ZNRF2: variants seen among roughly 807,000 people sequenced by gnomAD.
ZNRF2 encodes the protein E3 ubiquitin-protein ligase ZNRF2.
In ZNRF2, 16 loss-of-function variants were observed where a neutral mutation model predicts 20.4. The observed-to-expected ratio is 0.79, with a 90% confidence interval of 0.53 to 1.19. The LOEUF (loss-of-function observed/expected upper bound fraction) is 1.19, where lower values mean the gene tolerates loss of function less well. ZNRF2 is among the 50% of genes most tolerant of loss of function. The pLI, the probability that ZNRF2 is intolerant of heterozygous loss-of-function variation, is 0.00. For missense variants in ZNRF2, 363 were observed against 332.4 expected (o/e 1.09, Z -0.72); for synonymous variants, 178 against 144.9 (o/e 1.23, Z -1.64).
At chr7:30,329,151 AATTTT>A (rs1461790323) in intron 2 of ZNRF2, among the ~76,000 whole-genome samples, 12 of 152,200 alleles carry the variant, frequency 7.9e-5, no homozygotes, top group African/African-American at 2.9e-4. Flanking sequence ...TTTTTTAAAA[AATTTT>A]ATTATGTGTA....
intron 1 of ZNRF2, among the ~76,000 whole-genome samples, chr7:30,293,718 GAT>G (rs1413803240): frequency 1.3e-5 from 2 of 152,170 alleles, no homozygotes; most frequent in Non-Finnish European, 2.9e-5. Flanking sequence ...TGAGGTTTTT[GAT>G]ATTTATAAGT....
At chr7:30,295,016 A>G (rs9918546) in intron 1 of ZNRF2, among the ~76,000 whole-genome samples, 1,429 of 49,092 alleles carry the variant, frequency 0.029, 35 homozygotes, top group African/African-American at 0.11. Flanking sequence ...GGAGGGAAGG[A>G]GAGAGAGAGA....
At position 30,331,404 on chromosome 7, in the gene ZNRF2, CATT is replaced by C. The variant is rs1156775618; in HGVS notation, c.565+7669_565+7671del. 2.0e-5 allele frequency among the ~76,000 whole-genome samples: 3 copies of C among 152,206 alleles called. No individual in the cohort carries two copies. In the East Asian group the frequency reaches 5.8e-4, roughly 29 times the overall value. Reference sequence around the variant, plus strand: ...TGAAAAATATTCAGATTTAACTAGACATTAATCACTGAAATTAGAGTCTGGCTG... The same window carrying C: ...TGAAAAATATTCAGATTTAACTAGACAATCACTGAAATTAGAGTCTGGCTG... On this transcript the variant is annotated intron_variant, in intron 2 of 4. Transcript: ENST00000323037.
At chr7:30,350,703 CT>C (rs1799949080) in intron 2 of ZNRF2, among the ~76,000 whole-genome samples, 1 of 151,842 alleles carries the variant, frequency 6.6e-6, no homozygotes, top group African/African-American at 2.4e-5. Flanking sequence ...ACTTTTTGTT[CT>C]TTGAGTAATT....
intron 3 of ZNRF2, among the ~76,000 whole-genome samples, chr7:30,356,944 A>G (rs1307150453): frequency 6.6e-6 from 1 of 152,090 alleles, no homozygotes; most frequent in African/African-American, 2.4e-5. Context: ...TGACCGCATG[A>G]TGTGCCCGCC....
chr7:30,285,835 C>A lies in ZNRF2; in HGVS notation c.469+9C>A. 2.0e-6 allele frequency: 3 copies of A among 1,493,576 alleles called. No homozygotes were observed. The highest frequency in any genetic ancestry group is 2.7e-5 in the South Asian group (2 of 74,938). 92.5% of individuals were successfully genotyped at this position (1,493,576 alleles called of 1,614,324 possible). A position where few individuals can be genotyped will look rare whatever the true frequency, so the allele number is the denominator to read the frequency against. Reference sequence around the variant, plus strand: ...GCCGCACATGTTTGGAGGTACGGACCCCTCTCCGCGCACCCGCGCTCGGTC... The same window carrying A: ...GCCGCACATGTTTGGAGGTACGGACACCTCTCCGCGCACCCGCGCTCGGTC... On this transcript the variant is annotated intron_variant, in intron 1 of 4. Transcript: ENST00000323037.
chr7:30,303,876 C>T (rs1583571498), intron 1 of ZNRF2, among the ~76,000 whole-genome samples: 1 of 152,146 alleles, frequency 6.6e-6, no homozygotes, highest in East Asian at 1.9e-4. Flanking sequence ...GGGAATACAG[C>T]TTAGTGGTTT....
intron 1 of ZNRF2, among the ~76,000 whole-genome samples, chr7:30,308,634 A>G (rs900177945): frequency 6.6e-6 from 1 of 152,216 alleles, no homozygotes; most frequent in Admixed American, 6.6e-5. Flanking sequence ...TTGCTGAGTC[A>G]TAGGTTATGT....
intron 1 of ZNRF2, among the ~76,000 whole-genome samples, chr7:30,290,810 TA>T (rs1798893187): frequency 6.6e-6 from 1 of 152,218 alleles, no homozygotes; most frequent in African/African-American, 2.4e-5. Context: ...AATTTACTTT[TA>T]AAAAGTTGTA....
chr7:30,325,256 TA>T (rs1427735844), intron 2 of ZNRF2, among the ~76,000 whole-genome samples: 11 of 152,332 alleles, frequency 7.2e-5, no homozygotes, highest in African/African-American at 2.6e-4. Context: ...TCATTTTTTT[TA>T]AATATAAATT....
chr7:30,297,882 G>A (rs1799043295), intron 1 of ZNRF2, among the ~76,000 whole-genome samples: 2 of 151,514 alleles, frequency 1.3e-5, no homozygotes, highest in Non-Finnish European at 2.9e-5. Flanking sequence ...TTTATTTAAA[G>A]ACAAGGTCTC....
In ZNRF2 at chr7:30,295,092, T is replaced by A. The variant is rs1299331998; in HGVS notation, c.469+9266T>A. ...GTGTGTGTGTGTGTGTGTGTGTGTG[T>A]GTGTGTGTGATTGCAGGTGTCAGCC... On this transcript the variant is annotated intron_variant, in intron 1 of 4. Coordinates refer to ENST00000323037, the MANE Select transcript of ZNRF2 (RefSeq NM_147128.4). Among the ~76,000 whole-genome samples, 75 of 143,468 alleles carry A rather than the reference T, an allele frequency of 5.2e-4. 6 individuals carry two copies. Among genetic ancestry groups the A allele is most frequent in the African/African-American group, 1.9e-3 (68 of 35,006 alleles). 94.1% of individuals were successfully genotyped at this position (143,468 alleles called of 152,430 possible).
chr7:30,353,347 T>A (rs183259088), intron 2 of ZNRF2, among the ~76,000 whole-genome samples: 136 of 152,250 alleles, frequency 8.9e-4, no homozygotes, highest in African/African-American at 3.1e-3. Context: ...TCGGGATGTT[T>A]TTGTATACAG....
rs1447975369 is a variant in ZNRF2, at chr7:30,357,169, T to TA, written c.671+1337dup. ...TTAAGTTTGATCTAACTGATGTGTATATGTATTTGTATCTGTGCCCATCAA... is the reference window on the plus strand; with the variant it reads ...TTAAGTTTGATCTAACTGATGTGTATAATGTATTTGTATCTGTGCCCATCAA... On this transcript the variant is annotated intron_variant, in intron 3 of 4. Coordinates refer to ENST00000323037, the MANE Select transcript of ZNRF2 (RefSeq NM_147128.4). Among the ~76,000 whole-genome samples, 6 of 152,348 alleles carry TA rather than the reference T, an allele frequency of 3.9e-5. No homozygotes were observed. The South Asian group carries it at 1.0e-3, about 26-fold the overall frequency.
At chr7:30,290,228 C>G (rs925158966) in intron 1 of ZNRF2, among the ~76,000 whole-genome samples, 1 of 152,274 alleles carries the variant, frequency 6.6e-6, no homozygotes, top group Non-Finnish European at 1.5e-5. Context: ...AAAACATAGG[C>G]CTTTTTGTGA....
intron 1 of ZNRF2, among the ~76,000 whole-genome samples, chr7:30,319,615 A>G (rs1799435608): frequency 6.6e-6 from 1 of 152,218 alleles, no homozygotes; most frequent in African/African-American, 2.4e-5. Flanking sequence ...TTGTCCAGGT[A>G]TGGAAGAAAT....
chr7:30,296,786 A>G (rs142264394), intron 1 of ZNRF2, among the ~76,000 whole-genome samples: 2,887 of 152,326 alleles, frequency 0.019, 44 homozygotes, highest in Non-Finnish European at 0.026. Context: ...TAATATTATT[A>G]TTGGCCACTT....
chr7:30,357,747 A>G (rs949044507), intron 3 of ZNRF2, among the ~76,000 whole-genome samples: 6 of 152,214 alleles, frequency 3.9e-5, no homozygotes, highest in Admixed American at 3.9e-4. Context: ...GAGACAATGT[A>G]ACAATGAGTT....
intron 1 of ZNRF2, 22 bp downstream of exon 1, chr7:30,285,848 C>T (rs775677401): frequency 1.4e-6 from 2 of 1,465,344 alleles, no homozygotes; most frequent in Admixed American, 2.7e-5. Context: ...TCTCCGCGCA[C>T]CCGCGCTCGG....
Sources: gnomAD v4.1 joint callset for allele counts (sites outside exome capture counted in the v4.1 genomes callset) on GRCh38, gnomAD v4.1.1 for gene constraint, MANE v1.5 for transcripts, NCBI Gene and HGNC (gene_info 2026-07-23, HGNC 2026-07-21) for gene names.